Variants in PCDHA3 observed in about 807,000 individuals in gnomAD.
PCDHA3 encodes protocadherin alpha-3.
PCDHA3 carries 41 observed loss-of-function variants against 62.2 expected under a neutral mutation model. That is an observed-to-expected ratio of 0.66 (90% CI 0.51 to 0.86). The LOEUF (loss-of-function observed/expected upper bound fraction) is 0.86, where lower values mean the gene tolerates loss of function less well. PCDHA3 is among the 40% of genes least tolerant of loss of function. The probability of loss-of-function intolerance (pLI) is 0.00; values close to 1 mark genes in which losing one functional copy is unlikely to be tolerated. For synonymous variants in PCDHA3, 640 were observed against 555.4 expected (o/e 1.15, Z -2.14); for missense variants, 1,304 against 1,241.2 (o/e 1.05, Z -0.76).
intron 1 of PCDHA3, among the ~76,000 whole-genome samples, chr5:140,978,436 G>A (rs190191755): frequency 6.6e-6 from 1 of 152,348 alleles, no homozygotes; most frequent in East Asian, 1.9e-4. Flanking sequence ...AGTTGCTGGT[G>A]TTATGACTGG....
chr5:140,896,486 C>T (rs2065571972), intron 1 of PCDHA3, among the ~76,000 whole-genome samples: 2 of 151,948 alleles, frequency 1.3e-5, no homozygotes, highest in African/African-American at 4.8e-5. Context: ...CCTCAGCCTC[C>T]TGAGTAGCTG....
At chr5:141,004,492 A>G (rs2098168083) in intron 3 of PCDHA3, among the ~76,000 whole-genome samples, 2 of 152,230 alleles carry the variant, frequency 1.3e-5, no homozygotes, top group South Asian at 2.1e-4. Context: ...AACTCTTGGC[A>G]GTCCTGCTGT....
chr5:140,862,949 C>G lies in PCDHA3; in HGVS notation c.2394+59358C>G, dbSNP rs541015740. The G allele has an allele frequency of 9.9e-5, 54 of 542,878 alleles. 1 individual carries two copies. The highest frequency in any genetic ancestry group is 8.3e-4 in the African/African-American group (44 of 52,750). 33.6% of individuals were successfully genotyped at this position (542,878 alleles called of 1,614,324 possible). A position where few individuals can be genotyped will look rare whatever the true frequency, so the allele number is the denominator to read the frequency against. ...TGGCGGCGCTGTGAGTGAGCTGGTG[C>G]GGTATTCAGTGGATGCAGGCCACTT... On this transcript the variant is annotated intron_variant, in intron 1 of 3. Coordinates refer to ENST00000522353, the MANE Select transcript of PCDHA3 (RefSeq NM_018906.3).
At position 140,850,694 on chromosome 5, in the gene PCDHA3, G is replaced by T. The variant is rs2150494629; in HGVS notation, c.2394+47103G>T. The T allele has an allele frequency of 5.6e-6, 9 of 1,598,344 alleles. 1 individual carries two copies. The Admixed American group carries it at 8.4e-5, about 15-fold the overall frequency. On this transcript the variant is annotated intron_variant, in intron 1 of 3. Coordinates refer to ENST00000522353, the MANE Select transcript of PCDHA3 (RefSeq NM_018906.3). ...CGATGCCCACCGAGGGCGAGTGCGC[G>T]CCTGGCAAGCCGACGCTGGTGTGTT...
rs1554122727 is a variant in PCDHA3, at chr5:140,803,336, C to T, written c.2139C>T (p.Leu713=). Residue 713 remains leucine (L), a synonymous_variant, in exon 1 of 4, where the codon CTC becomes CTT. Transcript: ENST00000522353. Reference sequence around the variant, plus strand: ...GCGCGGTGTCCAGTCTGTTGGTGCTCACACTGCTGCTATATACTGCTCTGC... The same window carrying T: ...GCGCGGTGTCCAGTCTGTTGGTGCTTACACTGCTGCTATATACTGCTCTGC... ...AICAVSSLLV[L]TLLLYTALRC... 2 of 1,614,180 alleles carry T rather than the reference C, an allele frequency of 1.2e-6. No individual in the cohort carries two copies. The highest frequency in any genetic ancestry group is 8.5e-7 in the Non-Finnish European group (1 of 1,180,004).
intron 1 of PCDHA3, among the ~76,000 whole-genome samples, chr5:140,943,822 A>T (rs2093570990): frequency 6.6e-6 from 1 of 152,220 alleles, no homozygotes; most frequent in Non-Finnish European, 1.5e-5. Context: ...GAAGAAAATG[A>T]GTTGATTGAA....
chr5:140,966,659 G>T, intron 1 of PCDHA3: 1 of 1,217,656 alleles, frequency 8.2e-7, no homozygotes, highest in South Asian at 2.0e-5. Flanking sequence ...AGCGGTGGGG[G>T]AGCAGGCGCA....
chr5:140,941,285 T>C (rs1563188656), intron 1 of PCDHA3, among the ~76,000 whole-genome samples: 1 of 119,964 alleles, frequency 8.3e-6, no homozygotes, highest in African/African-American at 2.9e-5. Flanking sequence ...TTCCTTCCTT[T>C]CTCTTTCTTT....
rs782379229 is a variant in PCDHA3, at chr5:140,927,578, A to G, written c.2395-51371A>G. ...ATCATTGTGGTGGACACAAATGACAACGCGCCTGTATTTGAGCGCTCCGTA... is the reference window on the plus strand; with the variant it reads ...ATCATTGTGGTGGACACAAATGACAGCGCGCCTGTATTTGAGCGCTCCGTA... On this transcript the variant is annotated intron_variant, in intron 1 of 3. Transcript: ENST00000522353. 1.5e-5 allele frequency: 24 copies of G among 1,614,024 alleles called. No homozygotes were observed. The highest frequency in any genetic ancestry group is 2.0e-5 in the Non-Finnish European group (24 of 1,180,026).
At chr5:140,856,405 C>A in intron 1 of PCDHA3, 1 of 1,598,432 alleles carries the variant, frequency 6.3e-7, no homozygotes, top group Non-Finnish European at 8.6e-7. Flanking sequence ...TCCATGTGGA[C>A]GTGGAAGTGA....
intron 3 of PCDHA3, among the ~76,000 whole-genome samples, chr5:140,997,125 A>C (rs2097760835): frequency 6.6e-6 from 1 of 152,072 alleles, no homozygotes; most frequent in Admixed American, 6.6e-5. Context: ...CCACATACAC[A>C]ATGCCCCCAC....
chr5:140,921,203 G>A (rs782776779), intron 1 of PCDHA3, among the ~76,000 whole-genome samples: 22 of 151,476 alleles, frequency 1.5e-4, no homozygotes, highest in Non-Finnish European at 2.7e-4. Context: ...GATTGACAAC[G>A]ATAATTCACG....
intron 1 of PCDHA3, among the ~76,000 whole-genome samples, chr5:140,964,690 A>G (rs1554227180): frequency 2.6e-5 from 4 of 152,036 alleles, no homozygotes. Context: ...TGTGCACTTG[A>G]GAGATTAAGG....
chr5:140,829,465 C>T, intron 1 of PCDHA3: 1 of 1,613,822 alleles, frequency 6.2e-7, no homozygotes, highest in Non-Finnish European at 8.5e-7. Flanking sequence ...TCGCGCAGCC[C>T]GAGTACACAG....
At chr5:140,824,610 G>GTTTTTTTTTTTTTTTTTTTTT (rs782443702) in intron 1 of PCDHA3, 4 of 95,110 alleles carry the variant, frequency 4.2e-5, no homozygotes, top group South Asian at 3.6e-4. Context: ...GCTAATTAAA[G>GTTTTTTTTTTTTTTTTTTTTT]TTTTTTTTTT....
At chr5:140,970,791 T>A (rs2096434096) in intron 1 of PCDHA3, among the ~76,000 whole-genome samples, 2 of 152,210 alleles carry the variant, frequency 1.3e-5, no homozygotes, top group South Asian at 2.1e-4. Flanking sequence ...GTATGTAATA[T>A]CCATATTGTT....
At chr5:140,816,096 C>T (rs1025590199) in intron 1 of PCDHA3, 1 of 152,092 alleles carries the variant, frequency 6.6e-6, no homozygotes, top group African/African-American at 2.4e-5. Flanking sequence ...GCTGTCTGTC[C>T]TTTTCTCTTA....
intron 1 of PCDHA3, among the ~76,000 whole-genome samples, chr5:140,872,775 A>G (rs2053889520): frequency 1.3e-5 from 2 of 152,182 alleles, no homozygotes; most frequent in Non-Finnish European, 1.5e-5. Context: ...TATATTATCT[A>G]TAATATATGC....
chr5:140,838,086 GTGT>G (rs1775518307), intron 1 of PCDHA3, among the ~76,000 whole-genome samples: 1 of 64,264 alleles, frequency 1.6e-5, no homozygotes, highest in Non-Finnish European at 3.1e-5. Context: ...TAGTGTGTGT[GTGT>G]GTGTGTGTGT....
Sources: allele counts gnomAD v4.1 joint callset (sites outside exome capture counted in the v4.1 genomes callset), GRCh38; gene constraint gnomAD v4.1.1; transcripts MANE v1.5; gene names NCBI Gene and HGNC (gene_info 2026-07-23, HGNC 2026-07-21).